Variants in SCFD2 observed in about 807,000 individuals in gnomAD.
SCFD2 encodes the protein sec1 family domain containing 2.
SCFD2 carries 54 observed loss-of-function variants against 58.9 expected under a neutral mutation model. That is an observed-to-expected ratio of 0.92 (90% CI 0.74 to 1.15). SCFD2 has a LOEUF of 1.15. SCFD2 is among the 50% of genes most tolerant of loss of function. The pLI is 0.00. For synonymous variants in SCFD2, 321 were observed against 335.9 expected (o/e 0.96, Z 0.49); for missense variants, 805 against 836.6 (o/e 0.96, Z 0.47).
chr4:53,033,213 T>A (rs1722664367), intron 5 of SCFD2, among the ~76,000 whole-genome samples: 1 of 152,132 alleles, frequency 6.6e-6, no homozygotes, highest in Non-Finnish European at 1.5e-5. Context: ...TGCTTCTGAA[T>A]GACTACTGGG....
intron 4 of SCFD2, among the ~76,000 whole-genome samples, chr4:53,230,578 C>T (rs747086930): frequency 6.4e-5 from 9 of 141,316 alleles, no homozygotes; most frequent in Non-Finnish European, 9.0e-5. Flanking sequence ...ACACTGAGAA[C>T]GCATGGACAC....
intron 2 of SCFD2, among the ~76,000 whole-genome samples, chr4:53,333,316 AG>A (rs1407317356): frequency 6.7e-6 from 1 of 148,254 alleles, no homozygotes; most frequent in Non-Finnish European, 1.5e-5. Context: ...AAAAGAACAA[AG>A]CTGGAGGCAT....
intron 4 of SCFD2, among the ~76,000 whole-genome samples, chr4:53,258,347 T>A (rs977647051): frequency 1.8e-4 from 28 of 151,966 alleles, no homozygotes; most frequent in Middle Eastern, 3.4e-3. Context: ...GTCCCCAAAG[T>A]CCACTGTATC....
At chr4:53,260,043 T>C (rs1372717942) in intron 4 of SCFD2, among the ~76,000 whole-genome samples, 2 of 150,884 alleles carry the variant, frequency 1.3e-5, no homozygotes, top group Non-Finnish European at 3.0e-5. Flanking sequence ...TATAGCAAGG[T>C]ATATAGTGGT....
At chr4:52,970,684 C>T (rs377444396) in intron 5 of SCFD2, among the ~76,000 whole-genome samples, 18 of 152,328 alleles carry the variant, frequency 1.2e-4, no homozygotes, top group African/African-American at 1.9e-4. Context: ...TCTCCCAGCA[C>T]GCAGCCGGAA....
At chr4:53,079,178 G>T (rs1363318867) in intron 5 of SCFD2, among the ~76,000 whole-genome samples, 1 of 152,094 alleles carries the variant, frequency 6.6e-6, no homozygotes, top group Non-Finnish European at 1.5e-5. Context: ...ATGGTGAGGA[G>T]GGCTAATGGT....
chr4:53,310,412 T>A (rs1732655659), intron 3 of SCFD2, among the ~76,000 whole-genome samples: 1 of 152,228 alleles, frequency 6.6e-6, no homozygotes, highest in Non-Finnish European at 1.5e-5. Flanking sequence ...ACAATCATAT[T>A]CCAGTGAAAG....
At chr4:53,271,340 A>G (rs1355053038) in intron 4 of SCFD2, among the ~76,000 whole-genome samples, 2 of 151,914 alleles carry the variant, frequency 1.3e-5, no homozygotes, top group Non-Finnish European at 2.9e-5. Context: ...CACAGCACAA[A>G]TGCAACAGCC....
At chr4:52,967,224 T>C (rs1323293296) in intron 5 of SCFD2, among the ~76,000 whole-genome samples, 1 of 152,238 alleles carries the variant, frequency 6.6e-6, no homozygotes, top group Non-Finnish European at 1.5e-5. Context: ...TTGATCTTTC[T>C]ACCATGGTCT....
intron 4 of SCFD2, among the ~76,000 whole-genome samples, chr4:53,263,199 C>G (rs1321423950): frequency 2.0e-5 from 3 of 152,094 alleles, no homozygotes; most frequent in African/African-American, 7.2e-5. Context: ...CTTCACCTTT[C>G]TCTGGCGTCT....
intron 5 of SCFD2, among the ~76,000 whole-genome samples, chr4:52,991,493 A>T (rs1416909764): frequency 1.3e-5 from 2 of 152,138 alleles, no homozygotes; most frequent in African/African-American, 4.8e-5. Context: ...AAGGTTCCCA[A>T]ATCTGGAGGA....
intron 3 of SCFD2, among the ~76,000 whole-genome samples, chr4:53,310,961 T>C (rs763110101): frequency 1.1e-4 from 17 of 152,224 alleles, no homozygotes; most frequent in Non-Finnish European, 2.2e-4. Context: ...GTAGAAACTA[T>C]AGCAAGGATG....
At chr4:53,278,875 C>T (rs1278533065) in intron 3 of SCFD2, among the ~76,000 whole-genome samples, 3 of 141,948 alleles carry the variant, frequency 2.1e-5, no homozygotes, top group African/African-American at 7.9e-5. Context: ...GTAATTCACA[C>T]AGATGCTCTA....
At chr4:53,260,036 A>G (rs530982202) in intron 4 of SCFD2, among the ~76,000 whole-genome samples, 1 of 151,272 alleles carries the variant, frequency 6.6e-6, no homozygotes, top group South Asian at 2.1e-4. Flanking sequence ...GCTGGTGTAT[A>G]GCAAGGTATA....
At position 52,971,977 on chromosome 4, in the gene SCFD2, G is replaced by T. The variant is rs181110901; in HGVS notation, c.1562-51107C>A. ...AGACAAGCAAATGCTGAGAGATTTT[G>T]TCACCACCAGGCCTGCCCTAAAAGA... On this transcript the variant is annotated intron_variant, in intron 5 of 8. Transcript: ENST00000401642. 2.8e-3 allele frequency among the ~76,000 whole-genome samples: 429 copies of T among 152,248 alleles called. 1 individual carries two copies. The highest frequency in any genetic ancestry group is 0.014 in the Middle Eastern group (4 of 294).
chr4:53,364,330 C>A (rs1734634864), intron 1 of SCFD2, among the ~76,000 whole-genome samples: 1 of 152,104 alleles, frequency 6.6e-6, no homozygotes, highest in Non-Finnish European at 1.5e-5. Context: ...CGATTATTCT[C>A]CCTGGACTTG....
intron 3 of SCFD2, among the ~76,000 whole-genome samples, chr4:53,286,876 G>A (rs1222243295): frequency 6.6e-6 from 1 of 152,014 alleles, no homozygotes; most frequent in African/African-American, 2.4e-5. Flanking sequence ...TCACAGAGCC[G>A]ATGTCACTAC....
At chr4:53,173,371 A>G (rs1393785638) in intron 4 of SCFD2, among the ~76,000 whole-genome samples, 1 of 152,166 alleles carries the variant, frequency 6.6e-6, no homozygotes, top group Non-Finnish European at 1.5e-5. Context: ...TAAGTCAATC[A>G]AAAGTCAGGG....
chr4:53,088,110 T>G (rs981219332), intron 5 of SCFD2, among the ~76,000 whole-genome samples: 3 of 152,170 alleles, frequency 2.0e-5, no homozygotes, highest in African/African-American at 7.2e-5. Flanking sequence ...TCTTAGACTA[T>G]CCATATTGCA....
Sources: gnomAD v4.1 joint callset for allele counts (sites outside exome capture counted in the v4.1 genomes callset) on GRCh38, gnomAD v4.1.1 for gene constraint, MANE v1.5 for transcripts, NCBI Gene and HGNC (gene_info 2026-07-23, HGNC 2026-07-21) for gene names.